ACTN1: variants seen among roughly 807,000 people sequenced by gnomAD.
ACTN1 encodes actinin alpha 1.
ACTN1 carries 30 observed loss-of-function variants against 119.6 expected under a neutral mutation model. The observed-to-expected ratio is 0.25, with a 90% CI of 0.19 to 0.34. The LOEUF (loss-of-function observed/expected upper bound fraction) is 0.34, where lower values mean the gene tolerates loss of function less well. Among genes scored for constraint, ACTN1 ranks in the 10% least tolerant of loss-of-function variants. The pLI, the probability that ACTN1 is intolerant of heterozygous loss-of-function variation, is 1.00. For missense variants in ACTN1, 764 were observed against 1,223.4 expected, an observed-to-expected ratio of 0.62 and a Z score of 5.60; for synonymous variants, 429 against 472.6, an observed-to-expected ratio of 0.91 and a Z score of 1.20.
chr14:68,883,167 T>G, intron 14 of ACTN1, 112 bp from the exon 15 acceptor site: 1 of 1,153,100 alleles, frequency 8.7e-7, no homozygotes, highest in Non-Finnish European at 1.2e-6. Context: ...GAGGCATCAA[T>G]TCAAAGATTC....
intron 3 of ACTN1, among the ~76,000 whole-genome samples, chr14:68,914,541 G>A (rs2034182783): frequency 6.6e-6 from 1 of 152,150 alleles, no homozygotes; most frequent in Non-Finnish European, 1.5e-5. Flanking sequence ...CAAGGTGGGA[G>A]GATCGCTTGA....
chr14:68,951,969 C>G (rs1479082487), intron 1 of ACTN1, among the ~76,000 whole-genome samples: 3 of 152,226 alleles, frequency 2.0e-5, no homozygotes, highest in Non-Finnish European at 4.4e-5. Flanking sequence ...GATCTTTCAC[C>G]CTACTCCCTG....
intron 11 of ACTN1, among the ~76,000 whole-genome samples, chr14:68,889,798 AT>A (rs2140142645): frequency 6.6e-6 from 1 of 152,200 alleles, no homozygotes; most frequent in East Asian, 1.9e-4. Flanking sequence ...AAAAACCCCC[AT>A]AAAACTAAAA....
chr14:68,930,883 G>A (rs909148301), intron 1 of ACTN1, among the ~76,000 whole-genome samples: 9 of 152,196 alleles, frequency 5.9e-5, no homozygotes, highest in Non-Finnish European at 1.2e-4. Flanking sequence ...AGTTTATGCT[G>A]TTAACACACC....
intron 1 of ACTN1, among the ~76,000 whole-genome samples, chr14:68,961,091 C>G (rs946483728): frequency 9.2e-5 from 14 of 152,150 alleles, no homozygotes; most frequent in African/African-American, 3.1e-4. Context: ...AACAAAAAAC[C>G]CTGTTATACA....
Position 68,890,157 on chromosome 14 carries a change from G to A in ACTN1, c.1216C>T (p.His406Tyr), listed in dbSNP as rs141648695. The part of the protein sequence containing the change: ...AEKFRQKASI[H>Y]EAWTDGKEAM... ...GCCTCACCGTCAGTCCAGGCCTCGT[G>A]GATGGAGGCCTTCTGCCGGAACTTC... The change falls in exon 11 of 22, where the codon CAC (histidine) becomes TAC (tyrosine). Residue 406 changes from histidine to tyrosine, a missense_variant. Around this residue, in one of 4 missense-constraint regions of ACTN1, gnomAD observed 544 missense variants for 912.0 expected, o/e 0.60. Transcript: ENST00000394419. 6.2e-7 allele frequency: 1 copy of A among 1,614,006 alleles called. No homozygotes were observed. The highest frequency in any genetic ancestry group is 2.2e-5 in the East Asian group (1 of 44,880).
At chr14:68,965,259 C>T (rs1044345217) in intron 1 of ACTN1, among the ~76,000 whole-genome samples, 2 of 152,242 alleles carry the variant, frequency 1.3e-5, no homozygotes, top group African/African-American at 4.8e-5. Context: ...CAGGTCCCTT[C>T]TGGCTTGGGC....
Position 68,882,915 on chromosome 14 carries a change from G to A in ACTN1, c.1776C>T (p.Tyr592=), listed in dbSNP as rs916185984. Residue 592 remains tyrosine, a synonymous_variant, in exon 15 of 22, where the codon TAC becomes TAT. Transcript: ENST00000394419. The surrounding 1 kb of genome is among the most constrained non-coding windows in gnomAD (Gnocchi z 4.5). ...YHVNMAGTNP[Y]TTITPQEING... ...TGATCTCCTGAGGCGTGATGGTTGT[G>A]TAGGGGTTGGTGCCCGCCATATTGA... is the stretch of plus-strand genomic sequence containing the variant. 8.1e-6 allele frequency: 13 copies of A among 1,614,066 alleles called. No individual in the cohort carries two copies. Among genetic ancestry groups the A allele is most frequent in the Admixed American group, 5.0e-5 (3 of 60,012 alleles).
intron 1 of ACTN1, among the ~76,000 whole-genome samples, chr14:68,970,365 C>A (rs2036843360): frequency 6.6e-6 from 1 of 152,224 alleles, no homozygotes; most frequent in Non-Finnish European, 1.5e-5. Context: ...CTAAGTCCCC[C>A]ACTCCCTCAT....
At chr14:68,919,513 A>T (rs528132694) in intron 3 of ACTN1, among the ~76,000 whole-genome samples, 2 of 152,366 alleles carry the variant, frequency 1.3e-5, no homozygotes, top group African/African-American at 4.8e-5. Context: ...ATCACAAAGC[A>T]GATTATACTG....
chr14:68,884,923 T>C, intron 12 of ACTN1, 40 bp from the exon 13 acceptor site: 1 of 1,518,468 alleles, frequency 6.6e-7, no homozygotes, highest in Non-Finnish European at 9.1e-7. Context: ...GGACCCAGGT[T>C]AATTTCATGG....
intron 1 of ACTN1, among the ~76,000 whole-genome samples, chr14:68,951,966 C>T (rs1003601765): frequency 2.6e-5 from 4 of 152,252 alleles, no homozygotes; most frequent in African/African-American, 9.6e-5. Context: ...GAAGATCTTT[C>T]ACCCTACTCC....
intron 1 of ACTN1, among the ~76,000 whole-genome samples, chr14:68,947,722 G>A (rs1036923485): frequency 6.6e-6 from 1 of 152,230 alleles, no homozygotes. Context: ...CATGGAAAGA[G>A]AAGCTCTTAT....
intron 6 of ACTN1, among the ~76,000 whole-genome samples, chr14:68,908,050 C>T (rs2033775152): frequency 6.6e-6 from 1 of 151,416 alleles, no homozygotes; most frequent in Non-Finnish European, 1.5e-5. Flanking sequence ...AGGAGGTGGG[C>T]CAAGGATCCT....
chr14:68,893,979 G>A (rs1452456637), intron 8 of ACTN1, among the ~76,000 whole-genome samples: 2 of 152,118 alleles, frequency 1.3e-5, no homozygotes, highest in African/African-American at 4.8e-5. Flanking sequence ...GGCTGAACTG[G>A]GCCCCTGGAG....
intron 1 of ACTN1, among the ~76,000 whole-genome samples, chr14:68,932,253 C>T (rs959953687): frequency 3.3e-5 from 5 of 151,344 alleles, no homozygotes; most frequent in Non-Finnish European, 7.4e-5. Context: ...AGCAGAAGAA[C>T]GTGAAAAGAC....
At chr14:68,927,247 C>CA (rs894564908) in intron 1 of ACTN1, among the ~76,000 whole-genome samples, 3 of 152,182 alleles carry the variant, frequency 2.0e-5, no homozygotes, top group African/African-American at 7.2e-5. Flanking sequence ...TCACCTCCTC[C>CA]AGGAAGCCTT....
chr14:68,881,494 C>A (rs542754257), intron 16 of ACTN1, among the ~76,000 whole-genome samples: 9 of 152,290 alleles, frequency 5.9e-5, no homozygotes, highest in African/African-American at 1.9e-4. Flanking sequence ...ATGCCCATTT[C>A]TGTCTGTTAT....
chr14:68,963,419 T>C (rs1481586596), intron 1 of ACTN1, among the ~76,000 whole-genome samples: 2 of 152,254 alleles, frequency 1.3e-5, no homozygotes, highest in Admixed American at 6.5e-5. Context: ...ATTCATTTTA[T>C]GATTCTCAAT....
Sources: allele counts gnomAD v4.1 joint callset (sites outside exome capture counted in the v4.1 genomes callset), GRCh38; gene constraint gnomAD v4.1.1; regional missense constraint gnomAD v4.1.1; non-coding constraint Gnocchi (gnomAD v3.1); transcripts MANE v1.5; gene names NCBI Gene and HGNC (gene_info 2026-07-23, HGNC 2026-07-21).